Variants in SH3GL2 observed in about 807,000 individuals in gnomAD.
The protein encoded by SH3GL2 is SH3 domain containing GRB2 like 2, endophilin A1, also known as endophilin-A1.
Under a neutral mutation model 46.0 loss-of-function variants are expected in SH3GL2, and 24 were observed. The ratio of observed to expected loss-of-function variants is 0.52; its 90% CI spans 0.38 to 0.73. The LOEUF (loss-of-function observed/expected upper bound fraction) is 0.73. Among genes scored for constraint, SH3GL2 ranks in the 30% least tolerant of loss-of-function variants. The pLI, the probability that SH3GL2 is intolerant of heterozygous loss-of-function variation, is 0.00. For missense variants in SH3GL2, 413 were observed against 424.2 expected (o/e 0.97, Z 0.23); for synonymous variants, 196 against 147.1 (o/e 1.33, Z -2.40).
chr9:17,655,349 A>C (rs1027263307), intron 1 of SH3GL2, among the ~76,000 whole-genome samples: 2 of 152,106 alleles, frequency 1.3e-5, no homozygotes. Context: ...ACTGGTAAGG[A>C]AATTGGATGT....
rs147004820 is a variant in SH3GL2 at position 17,684,943 on chromosome 9, T to C, written c.46-62123T>C. Among the ~76,000 whole-genome samples the C allele has an allele frequency of 2.7e-3, 409 of 152,256 alleles. 4 individuals are homozygous for C. Among genetic ancestry groups the C allele is most frequent in the African/African-American group, 7.9e-3 (329 of 41,572 alleles). On this transcript the variant is annotated intron_variant, in intron 1 of 8. Coordinates refer to ENST00000380607, the MANE Select transcript of SH3GL2 (RefSeq NM_003026.5). Reference sequence around the variant, plus strand: ...AGATAAGGCTCTGGTCTCAACCACATTGATCTGAACTGACAACTGCGATAA... The same window carrying C: ...AGATAAGGCTCTGGTCTCAACCACACTGATCTGAACTGACAACTGCGATAA...
chr9:17,611,008 T>A (rs1163819103), intron 1 of SH3GL2, among the ~76,000 whole-genome samples: 1 of 152,194 alleles, frequency 6.6e-6, no homozygotes, highest in African/African-American at 2.4e-5. Flanking sequence ...TTAGTGAAGG[T>A]TCTTTCAATT....
At chr9:17,670,258 G>A (rs1820440857) in intron 1 of SH3GL2, among the ~76,000 whole-genome samples, 1 of 152,156 alleles carries the variant, frequency 6.6e-6, no homozygotes, top group Non-Finnish European at 1.5e-5. Flanking sequence ...CAAGCTTCCA[G>A]GTTCCTTATC....
rs1428677470 is a variant in SH3GL2 at position 17,624,919 on chromosome 9, G to A, written c.45+45632G>A. 3.3e-5 allele frequency among the ~76,000 whole-genome samples: 5 copies of A among 152,176 alleles called. No homozygotes were observed. The East Asian group carries it at 9.6e-4, about 29-fold the overall frequency. ...TGTTGGGTCAAGTGGAAATGTTGGG[G>A]TACTGAGGAAGAACAATTTTGATTT... is the stretch of plus-strand genomic sequence containing the variant. On this transcript the variant is annotated intron_variant, in intron 1 of 8. Coordinates refer to ENST00000380607, the MANE Select transcript of SH3GL2 (RefSeq NM_003026.5).
chr9:17,731,375 A>AT (rs201493162), intron 1 of SH3GL2, among the ~76,000 whole-genome samples: 7,558 of 151,210 alleles, frequency 0.05, 652 homozygotes, highest in African/African-American at 0.18. Context: ...TTGTGCCCTT[A>AT]AAAGAAGAGG....
chr9:17,735,474 A>C (rs550561513), intron 1 of SH3GL2, among the ~76,000 whole-genome samples: 1 of 152,268 alleles, frequency 6.6e-6, no homozygotes, highest in Non-Finnish European at 1.5e-5. Flanking sequence ...TTGACCCTTG[A>C]ACAATACTTA....
At chr9:17,790,555 G>C (rs1034677365) in intron 6 of SH3GL2, among the ~76,000 whole-genome samples, 3 of 152,134 alleles carry the variant, frequency 2.0e-5, no homozygotes, top group East Asian at 3.9e-4. Context: ...AAATCACAGT[G>C]CTCCTTCCCT....
At chr9:17,755,040 G>A (rs1253401194) in intron 2 of SH3GL2, among the ~76,000 whole-genome samples, 1 of 152,158 alleles carries the variant, frequency 6.6e-6, no homozygotes, top group Non-Finnish European at 1.5e-5. Context: ...GGAGGGGTGA[G>A]AGAGGGCATC....
chr9:17,778,616 T>C (rs1039399463), intron 3 of SH3GL2, among the ~76,000 whole-genome samples: 2 of 152,046 alleles, frequency 1.3e-5, no homozygotes, highest in Admixed American at 6.6e-5. Flanking sequence ...TTACACTAAA[T>C]AGGACTGTCC....
At chr9:17,678,330 A>G (rs1820670165) in intron 1 of SH3GL2, among the ~76,000 whole-genome samples, 1 of 152,182 alleles carries the variant, frequency 6.6e-6, no homozygotes, top group South Asian at 2.1e-4. Context: ...CGCCATTGTA[A>G]CTGGTATGAG....
rs1346222364 is a variant in SH3GL2, at chr9:17,786,282, C to G, written c.188-99C>G. ...GAAGGTACACTTATCAGTAGCTGAG[C>G]TACTTTGTAGGCTGCTCTGAGACCT... is the stretch of plus-strand genomic sequence containing the variant. On this transcript the variant is annotated intron_variant, in intron 3 of 8. Coordinates refer to ENST00000380607, the MANE Select transcript of SH3GL2 (RefSeq NM_003026.5). The G allele has an allele frequency of 5.6e-5, 62 of 1,107,624 alleles. 1 individual carries two copies. The East Asian group carries it at 1.4e-3, about 26-fold the overall frequency. 68.6% of individuals were successfully genotyped at this position (1,107,624 alleles called of 1,614,324 possible). A position where few individuals can be genotyped will look rare whatever the true frequency, so the allele number is the denominator to read the frequency against.
chr9:17,756,446 G>C (rs920476110), intron 2 of SH3GL2, among the ~76,000 whole-genome samples: 2 of 150,850 alleles, frequency 1.3e-5, no homozygotes, highest in African/African-American at 4.9e-5. Context: ...ATTTACATTA[G>C]GTATATCTCC....
chr9:17,740,321 C>T (rs1344880794), intron 1 of SH3GL2, among the ~76,000 whole-genome samples: 3 of 152,104 alleles, frequency 2.0e-5, no homozygotes, highest in East Asian at 1.9e-4. Flanking sequence ...ACATATACTG[C>T]GTAAAGTGAA....
rs536163798 is a variant in SH3GL2, at chr9:17,783,484, A to G, written c.188-2897A>G. Among the ~76,000 whole-genome samples the G allele has an allele frequency of 5.2e-3, 782 of 151,780 alleles. 9 individuals carry two copies. The highest frequency in any genetic ancestry group is 0.018 in the African/African-American group (749 of 41,392). ...CTCAGGCAGGGCTAGCAGAGCTTCC[A>G]TTTTATTCTCAGCAGAGCTTAGATC... is the stretch of plus-strand genomic sequence containing the variant. On this transcript the variant is annotated intron_variant, in intron 3 of 8. Transcript: ENST00000380607.
intron 1 of SH3GL2, among the ~76,000 whole-genome samples, chr9:17,657,010 CT>C (rs1820097463): frequency 6.6e-6 from 1 of 152,058 alleles, no homozygotes; most frequent in South Asian, 2.1e-4. Context: ...CAAAAGTGCT[CT>C]CTGATACTAT....
intron 1 of SH3GL2, among the ~76,000 whole-genome samples, chr9:17,686,673 G>A (rs1820919344): frequency 6.9e-6 from 1 of 145,356 alleles, no homozygotes; most frequent in Non-Finnish European, 1.5e-5. Flanking sequence ...ATCATTCTCA[G>A]TAAACTATCG....
chr9:17,692,061 A>G (rs191356889), intron 1 of SH3GL2, among the ~76,000 whole-genome samples: 6 of 152,258 alleles, frequency 3.9e-5, no homozygotes, highest in Non-Finnish European at 7.4e-5. Flanking sequence ...TTTATTAAAT[A>G]CAACATTTTT....
intron 2 of SH3GL2, among the ~76,000 whole-genome samples, chr9:17,754,139 A>G (rs1588303506): frequency 1.3e-5 from 2 of 152,058 alleles, no homozygotes; most frequent in African/African-American, 4.8e-5. Flanking sequence ...TTCTTTTTGC[A>G]TAGGATTGCC....
intron 1 of SH3GL2, among the ~76,000 whole-genome samples, chr9:17,647,188 TGTA>T (rs1442728681): frequency 1.3e-5 from 2 of 152,226 alleles, no homozygotes; most frequent in Admixed American, 1.3e-4. Context: ...TAAATTGACT[TGTA>T]AACATTTATT....
Sources: allele counts gnomAD v4.1 joint callset (sites outside exome capture counted in the v4.1 genomes callset), GRCh38; gene constraint gnomAD v4.1.1; transcripts MANE v1.5; gene names NCBI Gene and HGNC (gene_info 2026-07-23, HGNC 2026-07-21).